Variants in PIEZO2 observed in about 807,000 individuals in gnomAD.
PIEZO2 encodes the protein piezo type mechanosensitive ion channel component 2.
Under a neutral mutation model 337.3 loss-of-function variants are expected in PIEZO2, and 172 were observed. That is an observed-to-expected ratio of 0.51 (90% confidence interval 0.45 to 0.58). The LOEUF is 0.58. PIEZO2 is among the 20% of genes least tolerant of loss of function. The probability of loss-of-function intolerance (pLI) is 0.00; values close to 1 mark genes in which losing one functional copy is unlikely to be tolerated. For synonymous variants in PIEZO2, 1,251 were observed against 1,228.5 expected (o/e 1.02, Z -0.38); for missense variants, 3,028 against 3,391.3 (o/e 0.89, Z 2.66).
intron 7 of PIEZO2, among the ~76,000 whole-genome samples, chr18:10,848,683 A>G (rs1279293589): frequency 1.3e-5 from 2 of 152,198 alleles, no homozygotes; most frequent in Non-Finnish European, 2.9e-5. Context: ...GACTCTTGGG[A>G]ATGATCTAGA....
chr18:11,057,273 T>A (rs929437663), intron 2 of PIEZO2, among the ~76,000 whole-genome samples: 1 of 152,206 alleles, frequency 6.6e-6, no homozygotes, highest in Non-Finnish European at 1.5e-5. Context: ...TTCCATCCCC[T>A]TCAGTAACCA....
chr18:11,136,554 C>G (rs2040493716), intron 1 of PIEZO2, among the ~76,000 whole-genome samples: 1 of 152,260 alleles, frequency 6.6e-6, no homozygotes, highest in South Asian at 2.1e-4. Flanking sequence ...TTTTGGGCCC[C>G]AAGGCCAACA....
intron 1 of PIEZO2, among the ~76,000 whole-genome samples, chr18:11,089,151 C>A (rs1324533724): frequency 6.6e-6 from 1 of 152,064 alleles, no homozygotes; most frequent in African/African-American, 2.4e-5. Context: ...CTCCTGAGTC[C>A]AAATCCTCAG....
intron 42 of PIEZO2, among the ~76,000 whole-genome samples, chr18:10,703,900 A>G (rs990793685): frequency 5.3e-5 from 8 of 152,214 alleles, no homozygotes; most frequent in Non-Finnish European, 7.3e-5. Flanking sequence ...TTAAAAATGA[A>G]AAGTATGTAT....
chr18:11,080,603 T>C lies in PIEZO2; in HGVS notation c.65-14381A>G, dbSNP rs1833423901. ...GCTCACGCCTATAATCCCAGCACTT[T>C]GGGAGACCGAGGCGGGCAGATCATG... On this transcript the variant is annotated intron_variant, in intron 1 of 55. Coordinates refer to ENST00000674853, the MANE Select transcript of PIEZO2 (RefSeq NM_001378183.1). This position sits in a 1 kb window ranked among gnomAD's most constrained non-coding sequence, Gnocchi z 5.4. Among the ~76,000 whole-genome samples, 1 of 152,236 alleles carries C rather than the reference T, an allele frequency of 6.6e-6. No homozygotes were observed. The highest frequency in any genetic ancestry group is 1.5e-5 in the Non-Finnish European group (1 of 68,034).
chr18:11,045,537 G>A (rs1166201708), intron 2 of PIEZO2, among the ~76,000 whole-genome samples: 1 of 152,148 alleles, frequency 6.6e-6, no homozygotes, highest in Non-Finnish European at 1.5e-5. Flanking sequence ...TATAAAAAAT[G>A]TGGCATCAAA....
At chr18:10,786,529 G>T (rs1198654103) in intron 16 of PIEZO2, among the ~76,000 whole-genome samples, 1 of 152,160 alleles carries the variant, frequency 6.6e-6, no homozygotes, top group Non-Finnish European at 1.5e-5. Flanking sequence ...AATTTCAGAA[G>T]TTTACAGAAG....
intron 36 of PIEZO2, chr18:10,725,297 A>G: frequency 1.3e-6 from 2 of 1,582,226 alleles, no homozygotes; most frequent in South Asian, 2.2e-5. Flanking sequence ...ATTGTGGGTA[A>G]ATACAGCAGA....
In PIEZO2 at chr18:10,916,237, T is replaced by A. The variant is rs186528622; in HGVS notation, c.287-5009A>T. Among the ~76,000 whole-genome samples the A allele has an allele frequency of 2.5e-4, 38 of 152,294 alleles. No homozygotes were observed. The South Asian group carries it at 5.6e-3, about 22-fold the overall frequency. ...CAGGAGCCCAGCTGGCTTCGCCTAGTGGATCCCATGCCAGGGCCGCAGGCA... is the reference window on the plus strand; with the variant it reads ...CAGGAGCCCAGCTGGCTTCGCCTAGAGGATCCCATGCCAGGGCCGCAGGCA... On this transcript the variant is annotated intron_variant, in intron 3 of 55. Coordinates refer to ENST00000674853, the MANE Select transcript of PIEZO2 (RefSeq NM_001378183.1).
rs1018231155 is a variant in PIEZO2 at position 11,102,495 on chromosome 18, C to A, written c.65-36273G>T. Among the ~76,000 whole-genome samples, 2 of 152,200 alleles carry A rather than the reference C, an allele frequency of 1.3e-5. No individual in the cohort carries two copies. The highest frequency in any genetic ancestry group is 2.4e-5 in the African/African-American group (1 of 41,456). On this transcript the variant is annotated intron_variant, in intron 1 of 55. Coordinates refer to ENST00000674853, the MANE Select transcript of PIEZO2 (RefSeq NM_001378183.1). The surrounding 1 kb of genome is among the most constrained non-coding windows in gnomAD (Gnocchi z 5.7). ...CAGGTGGCCAGCCTTTACCCTTATTCCCTTTCCTTCCCCTGCCTAGGGCAG... is the reference window on the plus strand; with the variant it reads ...CAGGTGGCCAGCCTTTACCCTTATTACCTTTCCTTCCCCTGCCTAGGGCAG...
At chr18:10,725,018 G>A (rs1472447003) in intron 36 of PIEZO2, 2 of 1,586,474 alleles carry the variant, frequency 1.3e-6, no homozygotes, top group African/African-American at 2.7e-5. Context: ...CATAGTGCCA[G>A]CAAGAGCCCC....
rs190670856 is a variant in PIEZO2 at position 10,697,300 on chromosome 18, C to T, written c.6827+448G>A. ...CAGTCCCATGCACCACTTCCATCCC[C>T]AGCAGGTGGAGGGACCTGTGTAGTG... On this transcript the variant is annotated intron_variant, in intron 45 of 55. Coordinates refer to ENST00000674853, the MANE Select transcript of PIEZO2 (RefSeq NM_001378183.1). Among the ~76,000 whole-genome samples the T allele has an allele frequency of 1.2e-3, 184 of 152,330 alleles. 1 individual carries two copies. The highest frequency in any genetic ancestry group is 4.0e-3 in the African/African-American group (166 of 41,584).
At chr18:10,910,614 G>A (rs1308795995) in intron 4 of PIEZO2, among the ~76,000 whole-genome samples, 1 of 151,958 alleles carries the variant, frequency 6.6e-6, no homozygotes, top group Non-Finnish European at 1.5e-5. Context: ...AAGAAAAAAA[G>A]AAAAAGAAAG....
Position 10,789,493 on chromosome 18 carries a change from G to T in PIEZO2, c.1883-128C>A, listed in dbSNP as rs2039341416. On this transcript the variant is annotated intron_variant, in intron 14 of 55. Transcript: ENST00000674853. Reference sequence around the variant, plus strand: ...TTATTGTATAATTTGGATGATTTTAGACTATTCTCATAAACTCAGCAACAT... The same window carrying T: ...TTATTGTATAATTTGGATGATTTTATACTATTCTCATAAACTCAGCAACAT... 13 of 1,128,638 alleles carry T rather than the reference G, an allele frequency of 1.2e-5. No individual in the cohort carries two copies. The East Asian group carries it at 3.1e-4, about 27-fold the overall frequency. 69.9% of individuals were successfully genotyped at this position (1,128,638 alleles called of 1,614,324 possible).
rs761167224 is a variant in PIEZO2 at position 11,077,060 on chromosome 18, C to T, written c.65-10838G>A. Among the ~76,000 whole-genome samples, 3 of 152,172 alleles carry T rather than the reference C, an allele frequency of 2.0e-5. No individual in the cohort carries two copies. The highest frequency in any genetic ancestry group is 4.4e-5 in the Non-Finnish European group (3 of 68,034). On this transcript the variant is annotated intron_variant, in intron 1 of 55. Coordinates refer to ENST00000674853, the MANE Select transcript of PIEZO2 (RefSeq NM_001378183.1). The surrounding 1 kb of genome is among the most constrained non-coding windows in gnomAD (Gnocchi z 4.8). ...AATGAGGAAATAAAGCTTTTATGCT[C>T]ATACATAATTTCTTAAACTATCAGA...
chr18:10,762,845 G>C (rs1182732478), intron 22 of PIEZO2, 77 bp downstream of exon 22: 1 of 1,464,052 alleles, frequency 6.8e-7, no homozygotes, highest in Admixed American at 2.1e-5. Flanking sequence ...AATGTGCTTG[G>C]GGATGGGGGT....
At chr18:10,675,550 C>A (rs2033961576) in intron 53 of PIEZO2, among the ~76,000 whole-genome samples, 1 of 152,224 alleles carries the variant, frequency 6.6e-6, no homozygotes, top group Admixed American at 6.5e-5. Context: ...CAGCCACAGG[C>A]CTTTTCCCAA....
intron 4 of PIEZO2, among the ~76,000 whole-genome samples, chr18:10,887,008 G>T (rs264214): frequency 0.74 from 110,353 of 149,866 alleles, 41,278 homozygotes; most frequent in African/African-American, 0.88. Context: ...GCACATCACA[G>T]GCCCAGAGCA....
At chr18:10,788,606 T>C (rs1232521839) in intron 15 of PIEZO2, among the ~76,000 whole-genome samples, 1 of 152,128 alleles carries the variant, frequency 6.6e-6, no homozygotes, top group Non-Finnish European at 1.5e-5. Context: ...AGAGATGGCA[T>C]CTTAATCTGT....
Sources: gnomAD v4.1 joint callset for allele counts (sites outside exome capture counted in the v4.1 genomes callset) on GRCh38, gnomAD v4.1.1 for gene constraint, Gnocchi (gnomAD v3.1) non-coding constraint, MANE v1.5 for transcripts, NCBI Gene and HGNC (gene_info 2026-07-23, HGNC 2026-07-21) for gene names.